ARHGAP42: variants seen among roughly 807,000 people sequenced by gnomAD.
ARHGAP42 encodes the protein Rho GTPase activating protein 42, also known as rho GTPase-activating protein 42.
A neutral mutation model predicts 125.0 loss-of-function variants in ARHGAP42; 63 were observed. The observed-to-expected ratio is 0.50, with a 90% CI of 0.41 to 0.62. ARHGAP42 has a LOEUF of 0.62. ARHGAP42 is among the 20% of genes least tolerant of loss of function. The pLI, the probability that ARHGAP42 is intolerant of heterozygous loss-of-function variation, is 0.00. For synonymous variants in ARHGAP42, 339 were observed against 351.0 expected (o/e 0.97, Z 0.38); for missense variants, 766 against 1,024.2 (o/e 0.75, Z 3.44).
intron 2 of ARHGAP42, among the ~76,000 whole-genome samples, chr11:100,779,461 A>AT (rs1215941883): frequency 1.6e-4 from 13 of 80,438 alleles, no homozygotes; most frequent in African/African-American, 4.6e-4. Context: ...AAAAAAAAAA[A>AT]AAAAAAATAT....
At chr11:100,760,279 C>T (rs140920177) in intron 1 of ARHGAP42, among the ~76,000 whole-genome samples, 173 of 152,130 alleles carry the variant, frequency 1.1e-3, no homozygotes, top group African/African-American at 3.9e-3. Context: ...AAGTTTAGAT[C>T]GGTTTGTTTG....
At chr11:100,894,961 C>T (rs1191994063) in intron 4 of ARHGAP42, among the ~76,000 whole-genome samples, 2 of 152,170 alleles carry the variant, frequency 1.3e-5, no homozygotes, top group African/African-American at 4.8e-5. Flanking sequence ...TGAAGTGTTC[C>T]TCATGGGAGA....
rs557002412 is a variant in ARHGAP42, at chr11:100,901,259, G to A, written c.385-12193G>A. Among the ~76,000 whole-genome samples the A allele has an allele frequency of 3.3e-3, 495 of 152,264 alleles. 3 individuals carry two copies. Among genetic ancestry groups the A allele is most frequent in the African/African-American group, 0.011 (461 of 41,548 alleles). ...CAAATATCGCACAACAGCAAATATT[G>A]CTGCCTGATCCTTCCTCTGCAAGCT... On this transcript the variant is annotated intron_variant, in intron 4 of 23. Coordinates refer to ENST00000298815, the MANE Select transcript of ARHGAP42 (RefSeq NM_152432.4).
intron 3 of ARHGAP42, among the ~76,000 whole-genome samples, chr11:100,813,514 G>C (rs1864196157): frequency 6.6e-6 from 1 of 152,192 alleles, no homozygotes; most frequent in Non-Finnish European, 1.5e-5. Flanking sequence ...AGAGATCAGA[G>C]CTGGAAAAAG....
intron 1 of ARHGAP42, among the ~76,000 whole-genome samples, chr11:100,764,026 T>A (rs1350591287): frequency 1.0e-5 from 1 of 99,626 alleles, no homozygotes; most frequent in African/African-American, 4.8e-5. Context: ...CTTCTTCTTC[T>A]TTTTTTTTTT....
intron 12 of ARHGAP42, among the ~76,000 whole-genome samples, chr11:100,956,558 G>C (rs1295310818): frequency 6.7e-6 from 1 of 148,318 alleles, no homozygotes; most frequent in Admixed American, 6.9e-5. Context: ...TTGTTAATGT[G>C]TATCACATGA....
At chr11:100,894,800 CA>C (rs1429851698) in intron 4 of ARHGAP42, among the ~76,000 whole-genome samples, 4 of 152,140 alleles carry the variant, frequency 2.6e-5, no homozygotes, top group Non-Finnish European at 5.9e-5. Context: ...AAGGACAAAG[CA>C]GTGCTAAGAT....
At chr11:100,701,363 G>C (rs1861393388) in intron 1 of ARHGAP42, among the ~76,000 whole-genome samples, 1 of 152,168 alleles carries the variant, frequency 6.6e-6, no homozygotes. Context: ...AAGAGAGTCA[G>C]CCTGAAGCTT....
intron 3 of ARHGAP42, among the ~76,000 whole-genome samples, chr11:100,838,345 A>C (rs1864864544): frequency 6.6e-6 from 1 of 152,144 alleles, no homozygotes. Context: ...TTGTGAGTAA[A>C]GACAATGTAT....
intron 3 of ARHGAP42, among the ~76,000 whole-genome samples, chr11:100,849,090 G>T (rs1865140783): frequency 1.3e-5 from 2 of 152,110 alleles, no homozygotes; most frequent in African/African-American, 4.8e-5. Flanking sequence ...GACCAAAAGA[G>T]GTCAGATGTT....
intron 6 of ARHGAP42, among the ~76,000 whole-genome samples, chr11:100,928,000 C>A (rs1867473711): frequency 6.6e-6 from 1 of 152,144 alleles, no homozygotes; most frequent in African/African-American, 2.4e-5. Flanking sequence ...CGTTTTCATG[C>A]CATGAACTCC....
chr11:100,834,729 T>C (rs1864742224), intron 3 of ARHGAP42, among the ~76,000 whole-genome samples: 1 of 151,778 alleles, frequency 6.6e-6, no homozygotes, highest in Non-Finnish European at 1.5e-5. Flanking sequence ...GAATAGAGGC[T>C]ATAAATGCTA....
At chr11:100,861,155 A>T (rs1026055142) in intron 4 of ARHGAP42, among the ~76,000 whole-genome samples, 2 of 152,250 alleles carry the variant, frequency 1.3e-5, no homozygotes, top group Non-Finnish European at 1.5e-5. Context: ...GACCTACGTC[A>T]TGAGGAAGAA....
chr11:100,897,956 A>G (rs577170), intron 4 of ARHGAP42, among the ~76,000 whole-genome samples: 134,991 of 152,104 alleles, frequency 0.89, 59,983 homozygotes, highest in East Asian at 1. Context: ...TTGCCCATTC[A>G]GTATGATATT....
At position 100,961,724 on chromosome 11, in the gene ARHGAP42, G is replaced by A; in HGVS notation, c.1341G>A (p.Leu447=). 3 of 1,551,684 alleles carry A rather than the reference G, an allele frequency of 1.9e-6. No homozygotes were observed. Among genetic ancestry groups the A allele is most frequent in the African/African-American group, 2.7e-5 (2 of 73,120 alleles). Residue 447 remains leucine (L), a synonymous_variant, in exon 15 of 24, where the codon CTG becomes CTA. Transcript: ENST00000298815. ...CTGATATTGATATTGATATTGAACT[G>A]TGGGACAATAAGACGATAACAAGTG... ...SPPDIDIDIE[L]WDNKTITSGL... is the part of the protein sequence containing the mutation.
At chr11:100,974,140 C>T (rs1036351473) in intron 18 of ARHGAP42, among the ~76,000 whole-genome samples, 4 of 152,148 alleles carry the variant, frequency 2.6e-5, no homozygotes, top group African/African-American at 9.7e-5. Flanking sequence ...TGAGCCTCAG[C>T]TCTTCTCAGG....
intron 3 of ARHGAP42, among the ~76,000 whole-genome samples, chr11:100,835,201 G>T (rs527584618): frequency 6.6e-6 from 1 of 152,190 alleles, no homozygotes; most frequent in South Asian, 2.1e-4. Flanking sequence ...CTCTTCTGTG[G>T]TATGTTACTC....
intron 4 of ARHGAP42, among the ~76,000 whole-genome samples, chr11:100,899,293 T>C (rs1475420450): frequency 2.6e-5 from 4 of 152,230 alleles, no homozygotes; most frequent in Admixed American, 2.6e-4. Flanking sequence ...AAGTGCAATC[T>C]GGTGCTGAGA....
intron 21 of ARHGAP42, among the ~76,000 whole-genome samples, chr11:100,978,240 G>A (rs1591336580): frequency 6.6e-6 from 1 of 152,116 alleles, no homozygotes; most frequent in Admixed American, 6.6e-5. Context: ...TATATTAGGT[G>A]TAAAATGATC....
Sources: gnomAD v4.1 joint callset for allele counts (sites outside exome capture counted in the v4.1 genomes callset) on GRCh38, gnomAD v4.1.1 for gene constraint, MANE v1.5 for transcripts, NCBI Gene and HGNC (gene_info 2026-07-23, HGNC 2026-07-21) for gene names.